Variants in C1QTNF3 observed in about 807,000 individuals in gnomAD.
The protein encoded by C1QTNF3 is complement C1q tumor necrosis factor-related protein 3.
In C1QTNF3, 26 loss-of-function variants were observed where a neutral mutation model predicts 32.6. That is an observed-to-expected ratio of 0.80 (90% confidence interval 0.58 to 1.11). C1QTNF3 has a LOEUF of 1.11. Among genes scored for constraint, C1QTNF3 ranks in the 50% least tolerant of loss-of-function variants. The probability of loss-of-function intolerance (pLI) is 0.00; values close to 1 mark genes in which losing one functional copy is unlikely to be tolerated. For synonymous variants in C1QTNF3, 155 were observed against 146.0 expected (o/e 1.06, Z -0.44); for missense variants, 362 against 398.2 (o/e 0.91, Z 0.77).
At chr5:34,208,740 G>T in the C1QTNF3 span, among the ~76,000 whole-genome samples, 1 of 152,106 alleles carries the variant, frequency 6.6e-6, no homozygotes, top group African/African-American at 2.4e-5. Context: ...TCTATATGAT[G>T]ATATTTAGAT....
chr5:34,058,646 A>G, the C1QTNF3 span, among the ~76,000 whole-genome samples: 2 of 152,138 alleles, frequency 1.3e-5, no homozygotes, highest in African/African-American at 4.8e-5. Flanking sequence ...CAGAAATGTT[A>G]CCTGGCAGGC....
the C1QTNF3 span, among the ~76,000 whole-genome samples, chr5:34,154,015 T>G: frequency 7.2e-6 from 1 of 137,978 alleles, no homozygotes; most frequent in East Asian, 2.0e-4. Context: ...GAATTATACT[T>G]TATTAAACCT....
the C1QTNF3 span, among the ~76,000 whole-genome samples, chr5:34,147,903 C>A: frequency 6.6e-6 from 1 of 152,110 alleles, no homozygotes; most frequent in East Asian, 1.9e-4. Context: ...CCAGCGTGAG[C>A]GACGCAGAAG....
the C1QTNF3 span, among the ~76,000 whole-genome samples, chr5:34,126,279 T>C: frequency 2.6e-5 from 4 of 151,762 alleles, no homozygotes; most frequent in African/African-American, 9.7e-5. Flanking sequence ...GTTATGTTTA[T>C]TGAAACCTCT....
the C1QTNF3 span, among the ~76,000 whole-genome samples, chr5:34,147,033 T>A: frequency 6.6e-6 from 1 of 152,140 alleles, no homozygotes; most frequent in Non-Finnish European, 1.5e-5. Context: ...ATAGAAGACA[T>A]ACAAGTGGCC....
At chr5:34,054,435 A>G in the C1QTNF3 span, among the ~76,000 whole-genome samples, 10 of 152,314 alleles carry the variant, frequency 6.6e-5, no homozygotes, top group African/African-American at 2.4e-4. Flanking sequence ...GGCTCTATGG[A>G]CCATAGAATC....
chr5:34,176,564 A>C, the C1QTNF3 span, among the ~76,000 whole-genome samples: 1 of 152,134 alleles, frequency 6.6e-6, no homozygotes, highest in African/African-American at 2.4e-5. Context: ...ATACAGTCTT[A>C]AGGCTGAACT....
At chr5:34,057,251 G>A in the C1QTNF3 span, among the ~76,000 whole-genome samples, 1 of 152,158 alleles carries the variant, frequency 6.6e-6, no homozygotes, top group African/African-American at 2.4e-5. Context: ...GTGTGGGGAT[G>A]TTTGGAACCC....
the C1QTNF3 span, among the ~76,000 whole-genome samples, chr5:34,117,933 T>C: frequency 1.3e-5 from 2 of 152,200 alleles, no homozygotes; most frequent in African/African-American, 4.8e-5. Flanking sequence ...TTTCATACAA[T>C]TGCTTTTAAA....
chr5:34,216,745 A>G, the C1QTNF3 span, among the ~76,000 whole-genome samples: 1 of 152,202 alleles, frequency 6.6e-6, no homozygotes, highest in Non-Finnish European at 1.5e-5. Context: ...AAATCAATAA[A>G]TGTATAGAAT....
the C1QTNF3 span, among the ~76,000 whole-genome samples, chr5:34,110,644 CAG>C: frequency 6.6e-6 from 1 of 152,158 alleles, no homozygotes; most frequent in East Asian, 1.9e-4. Context: ...ACAAAAATTG[CAG>C]AGACTCTCTG....
chr5:34,033,783 A>G (rs1191060257), intron 2 of C1QTNF3, among the ~76,000 whole-genome samples: 2 of 152,248 alleles, frequency 1.3e-5, no homozygotes, highest in African/African-American at 4.8e-5. Context: ...GACATATTCT[A>G]GAAACTATGT....
At chr5:34,059,292 T>C in the C1QTNF3 span, among the ~76,000 whole-genome samples, 1 of 152,152 alleles carries the variant, frequency 6.6e-6, no homozygotes, top group Non-Finnish European at 1.5e-5. Context: ...TGTCTCTAAA[T>C]GTCTTCTTCT....
the C1QTNF3 span, among the ~76,000 whole-genome samples, chr5:34,105,135 G>T: frequency 6.6e-6 from 1 of 152,148 alleles, no homozygotes; most frequent in African/African-American, 2.4e-5. Context: ...AGTTTCAGAA[G>T]TATGATGACA....
At chr5:34,154,686 G>A in the C1QTNF3 span, among the ~76,000 whole-genome samples, 4 of 152,082 alleles carry the variant, frequency 2.6e-5, no homozygotes, top group African/African-American at 9.7e-5. Context: ...CTAGATCAGC[G>A]TTTCTCAGCC....
chr5:34,035,648 T>C lies in C1QTNF3; in HGVS notation c.414A>G (p.Pro138=). The part of the protein sequence containing the change: ...PPGPPGPPGI[P]GNHGNNGNNG... ...ACAGTATGTCTTGCTCATCCTTACCTGGAATGCCAGGAGGGCCCGGTGGCC... is the reference window on the plus strand; with the variant it reads ...ACAGTATGTCTTGCTCATCCTTACCCGGAATGCCAGGAGGGCCCGGTGGCC... The change falls in exon 2 of 6, where the codon CCA becomes CCG. Residue 138 remains proline (P), a splice_region_variant and synonymous_variant. Transcript: ENST00000382065. The C allele has an allele frequency of 6.2e-7, 1 of 1,606,282 alleles. No individual in the cohort carries two copies. The highest frequency in any genetic ancestry group is 8.5e-7 in the Non-Finnish European group (1 of 1,173,958).
chr5:34,070,238 T>C, the C1QTNF3 span, among the ~76,000 whole-genome samples: 1 of 152,144 alleles, frequency 6.6e-6, no homozygotes, highest in African/African-American at 2.4e-5. Flanking sequence ...ACCAGACTAA[T>C]TTTCCGGCCA....
the C1QTNF3 span, among the ~76,000 whole-genome samples, chr5:34,227,526 C>T: frequency 3.3e-5 from 5 of 151,020 alleles, no homozygotes; most frequent in Non-Finnish European, 7.4e-5. Flanking sequence ...GATGGGTCAC[C>T]TGTTATCTTT....
chr5:34,033,828 A>T (rs1754673869), intron 2 of C1QTNF3, among the ~76,000 whole-genome samples: 1 of 152,250 alleles, frequency 6.6e-6, no homozygotes, highest in Admixed American at 6.5e-5. Flanking sequence ...GAAGAAAAAC[A>T]TTTAATGATA....
Sources: gnomAD v4.1 joint callset for allele counts (sites outside exome capture counted in the v4.1 genomes callset) on GRCh38, gnomAD v4.1.1 for gene constraint, MANE v1.5 for transcripts, NCBI Gene and HGNC (gene_info 2026-07-23, HGNC 2026-07-21) for gene names.